APBA2: variants seen among roughly 807,000 people sequenced by gnomAD.
The protein encoded by APBA2 is amyloid beta precursor protein binding family A member 2.
A neutral mutation model predicts 75.0 loss-of-function variants in APBA2; 30 were observed. The observed-to-expected ratio is 0.40, with a 90% confidence interval of 0.30 to 0.54. The LOEUF (loss-of-function observed/expected upper bound fraction) is 0.54, where lower values mean the gene tolerates loss of function less well. Ranked by LOEUF, APBA2 falls within the 20% of genes least tolerant of loss-of-function variation. The probability of loss-of-function intolerance (pLI) is 0.49; values close to 1 mark genes in which losing one functional copy is unlikely to be tolerated. For synonymous variants in APBA2, 444 were observed against 409.6 expected (o/e 1.08, Z -1.01); for missense variants, 801 against 1,016.1 (o/e 0.79, Z 2.88).
intron 3 of APBA2, among the ~76,000 whole-genome samples, chr15:29,029,332 C>CAA (rs530631001): frequency 2.2e-5 from 3 of 136,526 alleles, no homozygotes; most frequent in Non-Finnish European, 3.2e-5. Flanking sequence ...ACTTTTCTAC[C>CAA]AAAAAAAAAA....
At position 29,046,232 on chromosome 15, in the gene APBA2, A is replaced by G. The variant is rs1475586023; in HGVS notation, c.-40-7613A>G. On this transcript the variant is annotated intron_variant, in intron 3 of 14. Transcript: ENST00000683413. The surrounding 1 kb of genome is among the most constrained non-coding windows in gnomAD (Gnocchi z 5.0). Reference sequence around the variant, plus strand: ...ATATGCTTTTAGTGAACTCAATGAGATACCAGAAATCCAGTAGGAGAACAC... The same window carrying G: ...ATATGCTTTTAGTGAACTCAATGAGGTACCAGAAATCCAGTAGGAGAACAC... 6.6e-6 allele frequency among the ~76,000 whole-genome samples: 1 copy of G among 152,228 alleles called. No homozygotes were observed. The highest frequency in any genetic ancestry group is 1.5e-5 in the Non-Finnish European group (1 of 68,038).
At chr15:28,900,207 G>A (rs1032459431) in intron 1 of APBA2, among the ~76,000 whole-genome samples, 4 of 152,330 alleles carry the variant, frequency 2.6e-5, no homozygotes, top group Middle Eastern at 3.4e-3. Context: ...CTGGACTCAG[G>A]CTTCTTCGGG....
At chr15:29,041,444 C>T (rs2041037035) in intron 3 of APBA2, among the ~76,000 whole-genome samples, 1 of 147,646 alleles carries the variant, frequency 6.8e-6, no homozygotes, top group African/African-American at 2.5e-5. Context: ...ATTTGTGCCA[C>T]TTTACTCCAG....
At chr15:28,924,873 C>T (rs1286710121) in intron 2 of APBA2, among the ~76,000 whole-genome samples, 1 of 152,176 alleles carries the variant, frequency 6.6e-6, no homozygotes, top group East Asian at 1.9e-4. Flanking sequence ...TACATTCCCG[C>T]CAGCACTGAA....
intron 3 of APBA2, among the ~76,000 whole-genome samples, chr15:29,051,634 C>T (rs1445766890): frequency 6.6e-6 from 1 of 152,156 alleles, no homozygotes; most frequent in Non-Finnish European, 1.5e-5. Context: ...ACTGCTGTAA[C>T]CGTGACCATC....
intron 2 of APBA2, among the ~76,000 whole-genome samples, chr15:28,928,326 G>A (rs1211551334): frequency 6.6e-6 from 1 of 152,060 alleles, no homozygotes; most frequent in African/African-American, 2.4e-5. Context: ...GAGTGCCGGC[G>A]TATTCCGATC....
intron 2 of APBA2, among the ~76,000 whole-genome samples, chr15:28,930,207 A>G (rs987451555): frequency 6.6e-5 from 10 of 152,210 alleles, no homozygotes; most frequent in Admixed American, 5.9e-4. Flanking sequence ...TGCTGCTGCT[A>G]GGGCTGTTTC....
chr15:29,052,321 G>C (rs1172518690), intron 3 of APBA2, among the ~76,000 whole-genome samples: 1 of 152,016 alleles, frequency 6.6e-6, no homozygotes, highest in Non-Finnish European at 1.5e-5. Context: ...TCGGCATGGT[G>C]GGGGACACCT....
intron 2 of APBA2, among the ~76,000 whole-genome samples, chr15:28,927,698 A>C (rs1566806692): frequency 6.7e-6 from 1 of 149,688 alleles, no homozygotes; most frequent in African/African-American, 2.5e-5. Flanking sequence ...AAGTGCTGGG[A>C]TTACAGGCAT....
At chr15:29,041,017 G>A in intron 3 of APBA2, among the ~76,000 whole-genome samples, 1 of 149,710 alleles carries the variant, frequency 6.7e-6, no homozygotes, top group East Asian at 2.0e-4. Context: ...GAAATTCGCA[G>A]CAGGGCAATA....
At chr15:28,915,623 CCA>C (rs2033656569) in intron 1 of APBA2, among the ~76,000 whole-genome samples, 1 of 150,930 alleles carries the variant, frequency 6.6e-6, no homozygotes, top group Non-Finnish European at 1.5e-5. Context: ...CTTATACACA[CCA>C]CACACACTAT....
At position 29,054,925 on chromosome 15, in the gene APBA2, C is replaced by G; in HGVS notation, c.951+90C>G. ...AGGCCTTGCAGATGCTGAAGCGAGG[C>G]GGTGGGGGGTGCTGGGTGCCTCACA... is the stretch of plus-strand genomic sequence containing the variant. On this transcript the variant is annotated intron_variant, in intron 4 of 14. Coordinates refer to ENST00000683413, the MANE Select transcript of APBA2 (RefSeq NM_001353788.2). This position sits in a 1 kb window ranked among gnomAD's most constrained non-coding sequence, Gnocchi z 6.1. 1.5e-6 allele frequency: 2 copies of G among 1,293,474 alleles called. No individual in the cohort carries two copies. The highest frequency in any genetic ancestry group is 2.5e-5 in the South Asian group (2 of 79,416). The allele number at this position is 1,293,474 out of a possible 1,614,324, so 80.1% of individuals were successfully genotyped here.
intron 3 of APBA2, among the ~76,000 whole-genome samples, chr15:28,996,361 G>C (rs2038521627): frequency 6.6e-6 from 1 of 152,168 alleles, no homozygotes; most frequent in Non-Finnish European, 1.5e-5. Flanking sequence ...TCTTGCCAGG[G>C]ATGGAGCGTG....
intron 2 of APBA2, among the ~76,000 whole-genome samples, chr15:28,980,845 G>C (rs2037583903): frequency 6.6e-6 from 1 of 152,182 alleles, no homozygotes; most frequent in Non-Finnish European, 1.5e-5. Flanking sequence ...CAGACACACA[G>C]AGCAGTGGAA....
chr15:29,011,878 G>A (rs1357115625), intron 3 of APBA2, among the ~76,000 whole-genome samples: 4 of 151,948 alleles, frequency 2.6e-5, no homozygotes, highest in Non-Finnish European at 5.9e-5. Flanking sequence ...CTAGTAGGTT[G>A]CCCTTTTTAA....
chr15:29,095,623 A>T (rs909095335), intron 8 of APBA2, among the ~76,000 whole-genome samples: 1 of 152,106 alleles, frequency 6.6e-6, no homozygotes, highest in Admixed American at 6.5e-5. Context: ...ACAGCAGGAG[A>T]TTTAGTTCCC....
chr15:29,054,544 G>A lies in APBA2; in HGVS notation c.660G>A (p.Glu220=). 3 of 1,613,616 alleles carry A rather than the reference G, an allele frequency of 1.9e-6. No individual in the cohort carries two copies. The highest frequency in any genetic ancestry group is 2.5e-6 in the Non-Finnish European group (3 of 1,179,810). The change falls in exon 4 of 15, where the codon GAG becomes GAA. Residue 220 remains glutamate, a synonymous_variant. Coordinates refer to ENST00000683413, the MANE Select transcript of APBA2 (RefSeq NM_001353788.2). This position sits in a 1 kb window ranked among gnomAD's most constrained non-coding sequence, Gnocchi z 6.1. ...TGAGGCGTGGGGATGGGGACCTGGA[G>A]GACCAGGAGGAGGACATTGACCAGA... ...YRLRRGDGDL[E]DQEEDIDQIV...
chr15:28,992,935 G>A (rs769213248), intron 2 of APBA2, among the ~76,000 whole-genome samples: 1 of 152,320 alleles, frequency 6.6e-6, no homozygotes, highest in African/African-American at 2.4e-5. Flanking sequence ...TTCCAAAAAT[G>A]GTGAGAAAAG....
Position 29,113,872 on chromosome 15 carries a change from T to A in APBA2, c.2038-4T>A. On this transcript the variant is annotated splice_region_variant and splice_polypyrimidine_tract_variant and intron_variant, in intron 13 of 14. Coordinates refer to ENST00000683413, the MANE Select transcript of APBA2 (RefSeq NM_001353788.2). Reference sequence around the variant, plus strand: ...CGTGTGCTGACCTGGCCATGTCTGCTTAGATCTGCAGCCTCATGAGAGGGG... The same window carrying A: ...CGTGTGCTGACCTGGCCATGTCTGCATAGATCTGCAGCCTCATGAGAGGGG... 1 of 1,610,616 alleles carries A rather than the reference T, an allele frequency of 6.2e-7. No homozygotes were observed. Among genetic ancestry groups the A allele is most frequent in the Non-Finnish European group, 8.5e-7 (1 of 1,179,904 alleles).
Sources: gnomAD v4.1 joint callset for allele counts (sites outside exome capture counted in the v4.1 genomes callset) on GRCh38, gnomAD v4.1.1 for gene constraint, Gnocchi (gnomAD v3.1) non-coding constraint, MANE v1.5 for transcripts, NCBI Gene and HGNC (gene_info 2026-07-23, HGNC 2026-07-21) for gene names.